The following NOS1 variants were observed in gnomAD, a reference collection of about 807,000 sequenced individuals.
The protein encoded by NOS1 is nitric oxide synthase 1.
Under a neutral mutation model 164.5 loss-of-function variants are expected in NOS1, and 51 were observed. That is an observed-to-expected ratio of 0.31 (90% confidence interval 0.25 to 0.39). NOS1 has a LOEUF of 0.39. Among genes scored for constraint, NOS1 ranks in the 10% least tolerant of loss-of-function variants. The pLI, the probability that NOS1 is intolerant of heterozygous loss-of-function variation, is 1.00. For missense variants in NOS1, 1,362 were observed against 1,885.6 expected, an observed-to-expected ratio of 0.72 and a Z score of 5.14; for synonymous variants, 719 against 745.8, an observed-to-expected ratio of 0.96 and a Z score of 0.59.
intron 20 of NOS1, among the ~76,000 whole-genome samples, chr12:117,235,339 CCTT>C (rs1474056876): frequency 6.6e-6 from 1 of 152,132 alleles, no homozygotes; most frequent in African/African-American, 2.4e-5. Flanking sequence ...CTCATTCTCT[CCTT>C]CTTAACTCCC....
At chr12:117,344,770 C>A (rs536796006) in intron 1 of NOS1, among the ~76,000 whole-genome samples, 1 of 152,292 alleles carries the variant, frequency 6.6e-6, no homozygotes, top group South Asian at 2.1e-4. Flanking sequence ...AAATTGTGTG[C>A]ACAACTTTTG....
intron 1 of NOS1, among the ~76,000 whole-genome samples, chr12:117,358,804 T>C (rs1046843158): frequency 1.3e-5 from 2 of 152,226 alleles, no homozygotes; most frequent in Non-Finnish European, 2.9e-5. Flanking sequence ...AATCACACAA[T>C]TTGTGGAGAC....
chr12:117,323,891 C>T (rs1302958750), intron 2 of NOS1, among the ~76,000 whole-genome samples: 1 of 152,186 alleles, frequency 6.6e-6, no homozygotes, highest in African/African-American at 2.4e-5. Context: ...AAGCGATTCT[C>T]CTGCCTCAGC....
At chr12:117,313,056 C>T (rs1352111660) in intron 2 of NOS1, among the ~76,000 whole-genome samples, 1 of 152,042 alleles carries the variant, frequency 6.6e-6, no homozygotes, top group Non-Finnish European at 1.5e-5. Flanking sequence ...CGTTATCATC[C>T]TCAACCTCAT....
chr12:117,262,604 G>A (rs549236616), intron 13 of NOS1, among the ~76,000 whole-genome samples: 51 of 152,226 alleles, frequency 3.4e-4, no homozygotes, highest in African/African-American at 1.2e-3. Flanking sequence ...ACCCACCAGT[G>A]TCTTGTCTCT....
At chr12:117,262,392 G>C (rs192371765) in intron 13 of NOS1, among the ~76,000 whole-genome samples, 1 of 139,530 alleles carries the variant, frequency 7.2e-6, no homozygotes, top group Non-Finnish European at 1.6e-5. Flanking sequence ...TGGGGGATGG[G>C]ATTAGGGTGG....
At chr12:117,339,142 T>C (rs373000145) in intron 1 of NOS1, among the ~76,000 whole-genome samples, 101 of 152,230 alleles carry the variant, frequency 6.6e-4, no homozygotes, top group Middle Eastern at 6.8e-3. Context: ...TGCCGGTAAG[T>C]CATGGCGGCA....
At chr12:117,358,395 T>G (rs1432045176) in intron 1 of NOS1, among the ~76,000 whole-genome samples, 1 of 152,190 alleles carries the variant, frequency 6.6e-6, no homozygotes, top group Non-Finnish European at 1.5e-5. Context: ...GGGACTGGCT[T>G]TGGCCATTTG....
intron 5 of NOS1, among the ~76,000 whole-genome samples, chr12:117,287,058 T>C (rs1013145448): frequency 6.6e-6 from 1 of 151,910 alleles, no homozygotes; most frequent in East Asian, 1.9e-4. Flanking sequence ...CTACAAAAAA[T>C]ACAAAAATTA....
At chr12:117,315,099 CT>C (rs111975344) in intron 2 of NOS1, among the ~76,000 whole-genome samples, 1 of 152,048 alleles carries the variant, frequency 6.6e-6, no homozygotes, top group South Asian at 2.1e-4. Flanking sequence ...TACCATCATT[CT>C]TTTTTTAAAA....
intron 13 of NOS1, among the ~76,000 whole-genome samples, chr12:117,262,323 A>T (rs1871973842): frequency 6.6e-6 from 1 of 150,844 alleles, no homozygotes; most frequent in African/African-American, 2.4e-5. Context: ...GCCCTCCCTG[A>T]GAATATCTGA....
intron 3 of NOS1, among the ~76,000 whole-genome samples, chr12:117,310,288 T>G (rs1458146742): frequency 2.0e-5 from 3 of 152,184 alleles, no homozygotes; most frequent in Non-Finnish European, 4.4e-5. Flanking sequence ...GGCACTGTCA[T>G]AGCAAAATAT....
At chr12:117,250,191 G>C (rs191878938) in intron 17 of NOS1, among the ~76,000 whole-genome samples, 1 of 149,908 alleles carries the variant, frequency 6.7e-6, no homozygotes, top group Non-Finnish European at 1.5e-5. Flanking sequence ...GTTAATGTAG[G>C]TTAATATCCA....
chr12:117,248,292 C>A (rs1260250980), intron 17 of NOS1, among the ~76,000 whole-genome samples: 1 of 151,726 alleles, frequency 6.6e-6, no homozygotes, highest in Non-Finnish European at 1.5e-5. Context: ...GTGTGCTGCA[C>A]CCACTAACTC....
At chr12:117,316,149 TCAGA>T (rs1874656012) in intron 2 of NOS1, among the ~76,000 whole-genome samples, 1 of 152,194 alleles carries the variant, frequency 6.6e-6, no homozygotes, top group South Asian at 2.1e-4. Flanking sequence ...GTCTATATTG[TCAGA>T]CAGTGCAGCC....
intron 16 of NOS1, among the ~76,000 whole-genome samples, chr12:117,256,284 G>GTTGTTTTTTTTTTTTTTTT (rs549611283): frequency 5.9e-5 from 7 of 118,488 alleles, no homozygotes; most frequent in African/African-American, 2.3e-4. Context: ...GGGATTTTCT[G>GTTGTTTTTTTTTTTTTTTT]TTTTTTTTTT....
At chr12:117,309,710 C>T in intron 3 of NOS1, among the ~76,000 whole-genome samples, 1 of 152,176 alleles carries the variant, frequency 6.6e-6, no homozygotes, top group East Asian at 1.9e-4. Flanking sequence ...ATGATATTGA[C>T]TTAGCTGTCA....
intron 2 of NOS1, among the ~76,000 whole-genome samples, chr12:117,317,785 G>A (rs1165526204): frequency 6.6e-6 from 1 of 152,118 alleles, no homozygotes; most frequent in Non-Finnish European, 1.5e-5. Context: ...GCTTGGCATT[G>A]TGGTGGCCAG....
At chr12:117,264,725 C>T (rs12829328) in intron 12 of NOS1, among the ~76,000 whole-genome samples, 2 of 149,172 alleles carry the variant, frequency 1.3e-5, no homozygotes, top group African/African-American at 4.9e-5. Context: ...TTCCCTCTCT[C>T]TCTTTCTCTC....
Sources: gnomAD v4.1 joint callset for allele counts (sites outside exome capture counted in the v4.1 genomes callset) on GRCh38, gnomAD v4.1.1 for gene constraint, MANE v1.5 for transcripts, NCBI Gene and HGNC (gene_info 2026-07-23, HGNC 2026-07-21) for gene names.